Variants in MAP3K21 observed in about 807,000 individuals in gnomAD.
The protein encoded by MAP3K21 is mitogen-activated protein kinase kinase kinase MLK4.
A neutral mutation model predicts 86.1 loss-of-function variants in MAP3K21; 63 were observed. The observed-to-expected ratio is 0.73, with a 90% confidence interval of 0.60 to 0.90. MAP3K21 has a LOEUF of 0.90. Among genes scored for constraint, MAP3K21 ranks in the 40% least tolerant of loss-of-function variants. MAP3K21 has a pLI of 0.00. For missense variants in MAP3K21, 1,220 were observed against 1,367.7 expected, an observed-to-expected ratio of 0.89 and a Z score of 1.70; for synonymous variants, 558 against 564.8, an observed-to-expected ratio of 0.99 and a Z score of 0.17.
intron 4 of MAP3K21, among the ~76,000 whole-genome samples, chr1:233,357,895 CAG>C (rs986148424): frequency 1.3e-5 from 2 of 152,130 alleles, no homozygotes; most frequent in Non-Finnish European, 2.9e-5. Context: ...AGCTGGCTGA[CAG>C]AGAAATAGAC....
chr1:233,375,026 C>A (rs1663763514), intron 6 of MAP3K21, among the ~76,000 whole-genome samples: 1 of 151,794 alleles, frequency 6.6e-6, no homozygotes, highest in Admixed American at 6.6e-5. Flanking sequence ...ACTGCAACTT[C>A]TGCCACCTGG....
Position 233,328,478 on chromosome 1 carries a change from G to T in MAP3K21, c.450G>T (p.Val150=). Residue 150 remains valine, a synonymous_variant, in exon 1 of 10, where the codon GTG becomes GTT. Transcript: ENST00000366624. This position sits in a 1 kb window ranked among gnomAD's most constrained non-coding sequence, Gnocchi z 8.7. ...CCTGGCAGGGCCAGGAGGTGGCCGT[G>T]AAGGCGGCGCGCCAGGACCCGGAGC... ...RATWQGQEVA[V]KAARQDPEQD... 1 of 1,505,280 alleles carries T rather than the reference G, an allele frequency of 6.6e-7. No homozygotes were observed. Among genetic ancestry groups the T allele is most frequent in the Non-Finnish European group, 8.8e-7 (1 of 1,137,374 alleles). The allele number at this position is 1,505,280 out of a possible 1,614,324, so 93.2% of individuals were successfully genotyped here.
chr1:233,365,543 C>A (rs1461095950), intron 5 of MAP3K21, among the ~76,000 whole-genome samples: 2 of 152,152 alleles, frequency 1.3e-5, no homozygotes, highest in African/African-American at 4.8e-5. Flanking sequence ...CATCGCTAAT[C>A]CTCAGGGAAA....
At chr1:233,340,643 T>G (rs1432781050) in intron 1 of MAP3K21, among the ~76,000 whole-genome samples, 1 of 152,068 alleles carries the variant, frequency 6.6e-6, no homozygotes, top group Non-Finnish European at 1.5e-5. Context: ...CTGGTGCCAC[T>G]AGGAAATGGG....
chr1:233,341,245 T>C (rs1663034729), intron 1 of MAP3K21, among the ~76,000 whole-genome samples: 1 of 152,224 alleles, frequency 6.6e-6, no homozygotes. Flanking sequence ...ACTGTGGTTC[T>C]TCCTGCGTGA....
At chr1:233,357,599 T>C (rs1407393873) in intron 4 of MAP3K21, among the ~76,000 whole-genome samples, 1 of 152,096 alleles carries the variant, frequency 6.6e-6, no homozygotes, top group Non-Finnish European at 1.5e-5. Flanking sequence ...CCTGCCCTGT[T>C]CTGCTCAAAC....
chr1:233,375,175 C>G (rs956140968), intron 6 of MAP3K21, among the ~76,000 whole-genome samples: 2 of 152,190 alleles, frequency 1.3e-5, no homozygotes, highest in African/African-American at 4.8e-5. Flanking sequence ...AAGTCCTGAC[C>G]TTGTGTTTTG....
At chr1:233,335,524 A>C (rs1662895469) in intron 1 of MAP3K21, among the ~76,000 whole-genome samples, 1 of 152,030 alleles carries the variant, frequency 6.6e-6, no homozygotes, top group Non-Finnish European at 1.5e-5. Context: ...ATTATCCCCA[A>C]TTTACAGGTA....
At position 233,375,108 on chromosome 1, in the gene MAP3K21, A is replaced by AT. The variant is rs929045880; in HGVS notation, c.1676-801dup. 9.9e-5 allele frequency among the ~76,000 whole-genome samples: 15 copies of AT among 151,600 alleles called. No individual in the cohort carries two copies. The East Asian group carries it at 1.9e-3, about 20-fold the overall frequency. On this transcript the variant is annotated intron_variant, in intron 6 of 9. Transcript: ENST00000366624. ...AGGCGCCCGCCACCATGCCCAGTTA[A>AT]TTTTTTTGTATTTTTAGTGGAGACC...
chr1:233,375,476 A>G (rs1663775285), intron 6 of MAP3K21, among the ~76,000 whole-genome samples: 1 of 152,210 alleles, frequency 6.6e-6, no homozygotes, highest in Non-Finnish European at 1.5e-5. Context: ...ACGACTTATG[A>G]AAAATTAGTT....
rs1402815 is a variant in MAP3K21 at position 233,379,667 on chromosome 1, G to A, written c.2661G>A (p.Pro887=). 0.32 allele frequency: 522,819 copies of A among 1,612,508 alleles called. 89,657 individuals carry two copies. Among genetic ancestry groups the A allele is most frequent in the Non-Finnish European group, 0.35 (410,130 of 1,179,288 alleles). ...ACTGTGCTTCTTCAAAACATAGACC[G>A]TCACATCACAGACGGACCATGTCTG... ...VPYCASSKHR[P]SHHRRTMSDG... The change falls in exon 9 of 10, where the codon CCG becomes CCA. Residue 887 remains proline, a synonymous_variant. Transcript: ENST00000366624.
intron 4 of MAP3K21, among the ~76,000 whole-genome samples, chr1:233,357,658 G>A (rs1403013001): frequency 1.3e-5 from 2 of 152,154 alleles, no homozygotes; most frequent in African/African-American, 4.8e-5. Context: ...GGAGCCTCCT[G>A]GCATGCATGG....
chr1:233,338,113 A>G (rs1662950920), intron 1 of MAP3K21, among the ~76,000 whole-genome samples: 1 of 152,210 alleles, frequency 6.6e-6, no homozygotes, highest in Non-Finnish European at 1.5e-5. Flanking sequence ...CTTTACATAC[A>G]ATGAAATGTA....
chr1:233,379,235 T>A lies in MAP3K21; in HGVS notation c.2229T>A (p.His743Gln), dbSNP rs953653095. ...TGGGACTGGACCTCAGAGAGCTTCA[T>A]AAAGCACAGGCTGCTGAAGAACCGT... is the stretch of plus-strand genomic sequence containing the variant. ...VALGLDLREL[H>Q]KAQAAEEPLP... The change falls in exon 9 of 10, where the codon CAT becomes CAA. Residue 743 changes from histidine (H) to glutamine (Q), a missense_variant. By Grantham distance (24) the His-to-Gln change is conservative. Around this residue, in one of 5 missense-constraint regions of MAP3K21, gnomAD observed 632 missense variants for 691.3 expected, o/e 0.91. Transcript: ENST00000366624. 5.6e-6 allele frequency: 9 copies of A among 1,614,168 alleles called. No homozygotes were observed. Among genetic ancestry groups the A allele is most frequent in the Non-Finnish European group, 7.6e-6 (9 of 1,180,024 alleles).
In MAP3K21 at chr1:233,350,703, C is replaced by T. The variant is rs191584790; in HGVS notation, c.987-3104C>T. ...ATCCTGGTTTTGCAGGTTAAGTAGCCGAGGCACAGAGAAGTTAAGAAATTT... is the reference window on the plus strand; with the variant it reads ...ATCCTGGTTTTGCAGGTTAAGTAGCTGAGGCACAGAGAAGTTAAGAAATTT... On this transcript the variant is annotated intron_variant, in intron 2 of 9. Transcript: ENST00000366624. Among the ~76,000 whole-genome samples, 98 of 151,930 alleles carry T rather than the reference C, an allele frequency of 6.5e-4. 1 individual carries two copies. Among genetic ancestry groups the T allele is most frequent in the Non-Finnish European group, 2.4e-4 (16 of 67,972 alleles).
intron 1 of MAP3K21, among the ~76,000 whole-genome samples, chr1:233,333,306 G>C (rs933008404): frequency 6.6e-6 from 1 of 152,174 alleles, no homozygotes; most frequent in African/African-American, 2.4e-5. Flanking sequence ...GAGGCACAGA[G>C]AAGTCAGTCC....
intron 2 of MAP3K21, among the ~76,000 whole-genome samples, chr1:233,352,897 T>C (rs528209846): frequency 6.6e-6 from 1 of 152,354 alleles, no homozygotes; most frequent in East Asian, 1.9e-4. Context: ...AGGTACTGAC[T>C]TGGATAGCAG....
chr1:233,362,319 A>G, intron 5 of MAP3K21, 26 bp downstream of exon 5: 1 of 1,608,662 alleles, frequency 6.2e-7, no homozygotes, highest in Non-Finnish European at 8.5e-7. Flanking sequence ...TATGTTTTTG[A>G]AAGATTTTTG....
At chr1:233,359,436 A>G (rs554447166) in intron 4 of MAP3K21, among the ~76,000 whole-genome samples, 7 of 152,332 alleles carry the variant, frequency 4.6e-5, no homozygotes, top group African/African-American at 1.7e-4. Context: ...TTCCAGCTGC[A>G]TCTTTTTTGA....
Sources: allele counts gnomAD v4.1 joint callset (sites outside exome capture counted in the v4.1 genomes callset), GRCh38; gene constraint gnomAD v4.1.1; regional missense constraint gnomAD v4.1.1; non-coding constraint Gnocchi (gnomAD v3.1); transcripts MANE v1.5; gene names NCBI Gene and HGNC (gene_info 2026-07-23, HGNC 2026-07-21).